PEBP4: variants seen among roughly 807,000 people sequenced by gnomAD.
The protein encoded by PEBP4 is phosphatidylethanolamine binding protein 4.
In PEBP4, 22 loss-of-function variants were observed where a neutral mutation model predicts 23.9. The ratio of observed to expected loss-of-function variants is 0.92; its 90% confidence interval spans 0.66 to 1.31. The LOEUF is 1.31. Among genes scored for constraint, PEBP4 ranks in the 40% most tolerant of loss-of-function variants. The pLI, the probability that PEBP4 is intolerant of heterozygous loss-of-function variation, is 0.00. For missense variants in PEBP4, 324 were observed against 281.7 expected, an observed-to-expected ratio of 1.15 and a Z score of -1.07; for synonymous variants, 112 against 99.3, an observed-to-expected ratio of 1.13 and a Z score of -0.76.
At chr8:22,810,735 A>G (rs1806607433) in intron 4 of PEBP4, among the ~76,000 whole-genome samples, 1 of 151,612 alleles carries the variant, frequency 6.6e-6, no homozygotes, top group South Asian at 2.1e-4. Flanking sequence ...AGAGAAAGAG[A>G]AAGAAAGAGT....
chr8:22,721,328 C>G (rs1804513613), intron 6 of PEBP4, among the ~76,000 whole-genome samples: 1 of 152,082 alleles, frequency 6.6e-6, no homozygotes. Flanking sequence ...TGGCCAAGGT[C>G]AAACGATCAG....
rs1026704231 is a variant in PEBP4 at position 22,728,072 on chromosome 8, T to C, written c.358-852A>G. On this transcript the variant is annotated intron_variant, in intron 4 of 6. Transcript: ENST00000256404. ...TGGGGTTTTATAGCCTTAATGAAGG[T>C]GATTAGCGTGACTCTTAATTGAGTC... Among the ~76,000 whole-genome samples the C allele has an allele frequency of 3.3e-5, 5 of 151,968 alleles. 1 individual carries two copies. In the South Asian group the frequency reaches 1.0e-3, roughly 32 times the overall value.
intron 3 of PEBP4, among the ~76,000 whole-genome samples, chr8:22,821,571 C>A (rs929732551): frequency 6.6e-6 from 1 of 152,094 alleles, no homozygotes. Context: ...AGCGCTCTCT[C>A]AAGACTTGGC....
chr8:22,781,226 T>C (rs1402557147), intron 4 of PEBP4, among the ~76,000 whole-genome samples: 2 of 152,180 alleles, frequency 1.3e-5, no homozygotes, highest in African/African-American at 4.8e-5. Context: ...TGGATGCCCT[T>C]GGCAGTGGAA....
intron 6 of PEBP4, among the ~76,000 whole-genome samples, chr8:22,714,169 C>G (rs1193196236): frequency 6.6e-6 from 1 of 152,220 alleles, no homozygotes; most frequent in Non-Finnish European, 1.5e-5. Context: ...CCAGACGGTG[C>G]CCAGGTCGGA....
At chr8:22,804,144 A>G (rs955470520) in intron 4 of PEBP4, among the ~76,000 whole-genome samples, 4 of 152,204 alleles carry the variant, frequency 2.6e-5, no homozygotes, top group African/African-American at 9.6e-5. Context: ...AACCTGGGCA[A>G]CATAGTGGGG....
At chr8:22,917,508 G>T (rs1196979897) in intron 3 of PEBP4, among the ~76,000 whole-genome samples, 1 of 152,156 alleles carries the variant, frequency 6.6e-6, no homozygotes, top group Admixed American at 6.5e-5. Context: ...CTCCCTTAGA[G>T]CCCTTGCCAG....
At chr8:22,910,936 T>C (rs890442206) in intron 3 of PEBP4, among the ~76,000 whole-genome samples, 29 of 151,864 alleles carry the variant, frequency 1.9e-4, no homozygotes, top group Non-Finnish European at 1.0e-4. Context: ...TAATGTGAAC[T>C]ATGGATTTGG....
chr8:22,846,909 C>A (rs1159214517), intron 3 of PEBP4, among the ~76,000 whole-genome samples: 1 of 152,144 alleles, frequency 6.6e-6, no homozygotes, highest in African/African-American at 2.4e-5. Flanking sequence ...TGCCTCTGAT[C>A]CCAGCACTTT....
At chr8:22,755,032 C>G (rs1805349104) in intron 4 of PEBP4, among the ~76,000 whole-genome samples, 4 of 152,180 alleles carry the variant, frequency 2.6e-5, no homozygotes, top group African/African-American at 9.7e-5. Context: ...GGGGCTTTCC[C>G]TTAACTTAGG....
intron 3 of PEBP4, among the ~76,000 whole-genome samples, chr8:22,907,175 G>A (rs1808834245): frequency 6.6e-6 from 1 of 152,182 alleles, no homozygotes; most frequent in South Asian, 2.1e-4. Context: ...AAACAGAAAG[G>A]AGGCTGGGCA....
chr8:22,754,578 G>C (rs1805336435), intron 4 of PEBP4, among the ~76,000 whole-genome samples: 1 of 152,180 alleles, frequency 6.6e-6, no homozygotes, highest in Non-Finnish European at 1.5e-5. Context: ...CTCTTTTCAG[G>C]GAGCAAAGCA....
At chr8:22,861,703 C>G (rs1041406309) in intron 3 of PEBP4, among the ~76,000 whole-genome samples, 2 of 152,166 alleles carry the variant, frequency 1.3e-5, no homozygotes, top group Non-Finnish European at 2.9e-5. Context: ...TGCAGCCCAT[C>G]TGGATTCTGA....
At chr8:22,724,617 C>T (rs957024336) in intron 6 of PEBP4, among the ~76,000 whole-genome samples, 2 of 152,132 alleles carry the variant, frequency 1.3e-5, no homozygotes, top group Non-Finnish European at 2.9e-5. Context: ...CCAACTGGAG[C>T]CTCTACACTG....
intron 4 of PEBP4, among the ~76,000 whole-genome samples, chr8:22,789,268 C>T (rs4872012): frequency 0.53 from 80,269 of 151,828 alleles, 21,891 homozygotes; most frequent in East Asian, 0.65. Context: ...GTCAAGGAAG[C>T]GGAGAAATTC....
chr8:22,746,012 T>C (rs1805107591), intron 4 of PEBP4, among the ~76,000 whole-genome samples: 1 of 152,248 alleles, frequency 6.6e-6, no homozygotes, highest in African/African-American at 2.4e-5. Flanking sequence ...AAGTGACAAA[T>C]GGACTGCTCA....
At chr8:22,897,337 G>C (rs1340056454) in intron 3 of PEBP4, among the ~76,000 whole-genome samples, 1 of 152,154 alleles carries the variant, frequency 6.6e-6, no homozygotes, top group Non-Finnish European at 1.5e-5. Flanking sequence ...TATGGATGGA[G>C]GAGGGGAGGT....
At chr8:22,912,194 G>A (rs894237646) in intron 3 of PEBP4, among the ~76,000 whole-genome samples, 5 of 152,290 alleles carry the variant, frequency 3.3e-5, no homozygotes, top group Non-Finnish European at 4.4e-5. Context: ...GACAGTCGCC[G>A]GAGCACGTGG....
At chr8:22,781,247 G>C (rs1417881695) in intron 4 of PEBP4, among the ~76,000 whole-genome samples, 1 of 152,162 alleles carries the variant, frequency 6.6e-6, no homozygotes, top group Non-Finnish European at 1.5e-5. Flanking sequence ...GCCCTGCTTG[G>C]GGCCGGCCCC....
Sources: gnomAD v4.1 joint callset for allele counts (sites outside exome capture counted in the v4.1 genomes callset) on GRCh38, gnomAD v4.1.1 for gene constraint, MANE v1.5 for transcripts, NCBI Gene and HGNC (gene_info 2026-07-23, HGNC 2026-07-21) for gene names.